The following NOL4 variants were observed in gnomAD, a reference collection of about 807,000 sequenced individuals.
The protein encoded by NOL4 is nucleolar protein 4.
A neutral mutation model predicts 75.9 loss-of-function variants in NOL4; 17 were observed. That is an observed-to-expected ratio of 0.22 (90% CI 0.15 to 0.34). The LOEUF is 0.34. NOL4 is among the 10% of genes least tolerant of loss of function. The pLI is 1.00. For synonymous variants in NOL4, 292 were observed against 289.9 expected, an observed-to-expected ratio of 1.01 and a Z score of -0.07; for missense variants, 614 against 793.5, an observed-to-expected ratio of 0.77 and a Z score of 2.72.
At chr18:33,993,814 TA>T (rs1159421516) in intron 6 of NOL4, among the ~76,000 whole-genome samples, 2 of 151,212 alleles carry the variant, frequency 1.3e-5, no homozygotes, top group African/African-American at 4.9e-5. Flanking sequence ...GTGATTGTAA[TA>T]AAAAAATCTA....
At chr18:33,999,531 G>T (rs973899010) in intron 6 of NOL4, among the ~76,000 whole-genome samples, 4 of 152,024 alleles carry the variant, frequency 2.6e-5, no homozygotes, top group Non-Finnish European at 5.9e-5. Context: ...TTACAGGGTT[G>T]GGAGTGGAGT....
intron 5 of NOL4, among the ~76,000 whole-genome samples, chr18:34,024,192 A>ATATATATATATATATAT (rs1215950663): frequency 5.3e-5 from 4 of 76,176 alleles, no homozygotes; most frequent in South Asian, 3.2e-4. Context: ...AAAAAAAAAA[A>ATATATATATATATATAT]AAATATATAT....
At chr18:33,983,511 T>C (rs2072159493) in intron 6 of NOL4, among the ~76,000 whole-genome samples, 1 of 151,902 alleles carries the variant, frequency 6.6e-6, no homozygotes, top group Non-Finnish European at 1.5e-5. Flanking sequence ...TACACACACA[T>C]ATATATGTAT....
chr18:34,159,620 C>G (rs1367045647), intron 1 of NOL4, among the ~76,000 whole-genome samples: 1 of 152,138 alleles, frequency 6.6e-6, no homozygotes, highest in African/African-American at 2.4e-5. Flanking sequence ...CATCCCGCCT[C>G]GCCGGAGGGG....
chr18:34,194,422 G>GGAA lies in NOL4; in HGVS notation c.264+28567_264+28568insTTC, dbSNP rs1389171451. Reference sequence around the variant, plus strand: ...TAGGAAAAAGGTAGGGAAGGAGGGAGGGAGGGAAGGAAGGAAGGAAGGAAG... The same window carrying GGAA: ...TAGGAAAAAGGTAGGGAAGGAGGGAGGAAGGAGGGAAGGAAGGAAGGAAGGAAG... On this transcript the variant is annotated intron_variant, in intron 1 of 10. Coordinates refer to ENST00000261592, the MANE Select transcript of NOL4 (RefSeq NM_003787.5). 4.6e-4 allele frequency among the ~76,000 whole-genome samples: 39 copies of GGAA among 85,090 alleles called. 1 individual carries two copies. Among genetic ancestry groups the GGAA allele is most frequent in the Middle Eastern group, 5.7e-3 (1 of 174 alleles). 55.8% of individuals were successfully genotyped at this position (85,090 alleles called of 152,430 possible). A position where few individuals can be genotyped will look rare whatever the true frequency, so the allele number is the denominator to read the frequency against.
chr18:34,187,114 C>T (rs1274557249), intron 1 of NOL4, among the ~76,000 whole-genome samples: 1 of 152,082 alleles, frequency 6.6e-6, no homozygotes, highest in Non-Finnish European at 1.5e-5. Context: ...TGACAAATAA[C>T]ATGTATCCAC....
chr18:33,884,380 C>T (rs1472742275), intron 9 of NOL4, among the ~76,000 whole-genome samples: 2 of 151,986 alleles, frequency 1.3e-5, no homozygotes, highest in East Asian at 3.9e-4. Context: ...TGAATACATC[C>T]AAACCTTTCA....
At chr18:34,164,512 T>C (rs1163097440) in intron 1 of NOL4, among the ~76,000 whole-genome samples, 1 of 152,140 alleles carries the variant, frequency 6.6e-6, no homozygotes, top group Non-Finnish European at 1.5e-5. Context: ...TCACTGGCCA[T>C]CAGAGAGATG....
At chr18:34,172,769 A>G (rs2033170130) in intron 1 of NOL4, among the ~76,000 whole-genome samples, 1 of 152,104 alleles carries the variant, frequency 6.6e-6, no homozygotes, top group Non-Finnish European at 1.5e-5. Context: ...ATGATTAGTG[A>G]TGCTGATGAA....
chr18:33,863,910 G>C (rs1431852039), intron 10 of NOL4, among the ~76,000 whole-genome samples: 1 of 152,166 alleles, frequency 6.6e-6, no homozygotes, highest in Non-Finnish European at 1.5e-5. Context: ...CAAAATCTAG[G>C]CAGAGGTTCC....
rs556970138 is a variant in NOL4 at position 34,205,702 on chromosome 18, G to T, written c.264+17288C>A. Reference sequence around the variant, plus strand: ...AGAAGCAAATTGTATGGGAAAATGTGTATATAAGCAGTTGCCAAGGTGATT... The same window carrying T: ...AGAAGCAAATTGTATGGGAAAATGTTTATATAAGCAGTTGCCAAGGTGATT... On this transcript the variant is annotated intron_variant, in intron 1 of 10. Coordinates refer to ENST00000261592, the MANE Select transcript of NOL4 (RefSeq NM_003787.5). 1.3e-5 allele frequency among the ~76,000 whole-genome samples: 2 copies of T among 152,214 alleles called. 1 individual carries two copies. Among genetic ancestry groups the T allele is most frequent in the South Asian group, 4.1e-4 (2 of 4,820 alleles).
intron 9 of NOL4, among the ~76,000 whole-genome samples, chr18:33,940,862 G>A (rs1225810077): frequency 6.6e-6 from 1 of 151,872 alleles, no homozygotes; most frequent in Admixed American, 6.6e-5. Flanking sequence ...AAGGACCACT[G>A]GTCCTCATTC....
chr18:33,970,402 T>C (rs1469351309), intron 6 of NOL4, among the ~76,000 whole-genome samples: 1 of 152,186 alleles, frequency 6.6e-6, no homozygotes, highest in African/African-American at 2.4e-5. Context: ...TTATTAATGT[T>C]TTGTTGAATC....
Position 34,141,349 on chromosome 18 carries a change from G to C in NOL4, c.265-11329C>G, listed in dbSNP as rs1395120773. ...AAAAAACTACTTTAAAGTTCATATG[G>C]AACCAAAAAAGAGCCCGCATCACCA... On this transcript the variant is annotated intron_variant, in intron 1 of 10. Transcript: ENST00000261592. Among the ~76,000 whole-genome samples, 3 of 151,864 alleles carry C rather than the reference G, an allele frequency of 2.0e-5. No individual in the cohort carries two copies. In the South Asian group the frequency reaches 6.2e-4, roughly 32 times the overall value.
intron 5 of NOL4, among the ~76,000 whole-genome samples, chr18:34,036,257 C>T (rs188467665): frequency 6.6e-6 from 1 of 151,836 alleles, no homozygotes; most frequent in African/African-American, 2.4e-5. Flanking sequence ...AACAGCATAT[C>T]AAAAAGATAA....
In NOL4 at chr18:33,886,556, T is replaced by G. The variant is rs2064669684; in HGVS notation, c.1543-3132A>C. Among the ~76,000 whole-genome samples the G allele has an allele frequency of 1.3e-5, 2 of 149,892 alleles. 1 individual carries two copies. Among genetic ancestry groups the G allele is most frequent in the South Asian group, 4.2e-4 (2 of 4,788 alleles). On this transcript the variant is annotated intron_variant, in intron 9 of 10. Coordinates refer to ENST00000261592, the MANE Select transcript of NOL4 (RefSeq NM_003787.5). The stretch of plus-strand genomic sequence containing the variant: ...AAAAAAAAAAAGAAAAAAGAAATAA[T>G]GAACTATTAACTATTATTTGATAGT...
In NOL4 at chr18:33,943,115, C is replaced by T; in HGVS notation, c.1492G>A (p.Glu498Lys). ...TTGGCGGCATTTCTACTCTCACTCTCACAAGCTGAAGCCAAGATACTCTCT... is the reference window on the plus strand; with the variant it reads ...TTGGCGGCATTTCTACTCTCACTCTTACAAGCTGAAGCCAAGATACTCTCT... Reference protein sequence around the residue: ...VAESILASACESESRNAAKRM... With the variant: ...VAESILASACKSESRNAAKRM... The change falls in exon 9 of 11, where the codon GAG (glutamate) becomes AAG (lysine). Residue 498 changes from glutamate to lysine, a missense_variant. Glu to Lys is a moderately conservative substitution (Grantham distance 56). This residue lies in a region of NOL4 where 52 missense variants were observed against 121.1 expected (regional missense o/e 0.43). Coordinates refer to ENST00000261592, the MANE Select transcript of NOL4 (RefSeq NM_003787.5). 1 of 1,611,588 alleles carries T rather than the reference C, an allele frequency of 6.2e-7. No homozygotes were observed. Among genetic ancestry groups the T allele is most frequent in the Non-Finnish European group, 8.5e-7 (1 of 1,178,736 alleles).
intron 1 of NOL4, among the ~76,000 whole-genome samples, chr18:34,185,062 T>G (rs973841228): frequency 8.5e-5 from 13 of 152,118 alleles, no homozygotes; most frequent in African/African-American, 2.4e-4. Context: ...AGGCTTTCAG[T>G]TACTTCCTCC....
chr18:33,979,625 G>A (rs2071785081), intron 6 of NOL4, among the ~76,000 whole-genome samples: 1 of 151,624 alleles, frequency 6.6e-6, no homozygotes, highest in African/African-American at 2.4e-5. Context: ...TTTAGAAATA[G>A]CATGTGGAGT....
Sources: gnomAD v4.1 joint callset for allele counts (sites outside exome capture counted in the v4.1 genomes callset) on GRCh38, gnomAD v4.1.1 for gene constraint, gnomAD v4.1.1 regional missense constraint, MANE v1.5 for transcripts, NCBI Gene and HGNC (gene_info 2026-07-23, HGNC 2026-07-21) for gene names.